The following REEP6 variants were observed in gnomAD, a reference collection of about 807,000 sequenced individuals.
REEP6 encodes receptor accessory protein 6.
REEP6 carries 19 observed loss-of-function variants against 22.4 expected under a neutral mutation model. The observed-to-expected ratio is 0.85, with a 90% confidence interval of 0.59 to 1.25. The LOEUF (loss-of-function observed/expected upper bound fraction) is 1.25. Among genes scored for constraint, REEP6 ranks in the 50% most tolerant of loss-of-function variants. REEP6 has a pLI of 0.00. For synonymous variants in REEP6, 121 were observed against 113.6 expected (o/e 1.06, Z -0.41); for missense variants, 273 against 251.9 (o/e 1.08, Z -0.57).
At chr19:1,494,281 G>C (rs1352493353) in intron 1 of REEP6, among the ~76,000 whole-genome samples, 2 of 152,104 alleles carry the variant, frequency 1.3e-5, no homozygotes, top group Non-Finnish European at 2.9e-5. Context: ...GGGGTTTGCT[G>C]CCTCCAAGAC....
intron 1 of REEP6, among the ~76,000 whole-genome samples, chr19:1,494,807 C>T (rs1165889706): frequency 6.6e-6 from 1 of 152,182 alleles, no homozygotes; most frequent in African/African-American, 2.4e-5. Context: ...GCCTCAGCCT[C>T]CCCAGCAGCT....
In REEP6 at chr19:1,497,357, C is replaced by G; in HGVS notation, c.*146C>G. The G allele has an allele frequency of 1.3e-6, 1 of 788,408 alleles. No homozygotes were observed. Among genetic ancestry groups the G allele is most frequent in the Non-Finnish European group, 2.2e-6 (1 of 450,760 alleles). 48.8% of individuals were successfully genotyped at this position (788,408 alleles called of 1,614,324 possible). ...GTCCAGGCAAGGCCCTGGGGGTCTC[C>G]TTAAATGCCACCTCGGGCAAGTCCC... On this transcript the variant is annotated 3_prime_UTR_variant, in exon 5 of 5. Transcript: ENST00000233596. This position sits in a 1 kb window ranked among gnomAD's most constrained non-coding sequence, Gnocchi z 6.5.
Position 1,497,709 on chromosome 19 carries a change from G to C in REEP6, c.*498G>C, listed in dbSNP as rs541407733. The C allele has an allele frequency of 6.1e-5, 29 of 472,560 alleles. No homozygotes were observed. Among genetic ancestry groups the C allele is most frequent in the South Asian group, 4.3e-4 (28 of 64,564 alleles). The allele number at this position is 472,560 out of a possible 1,614,324, so 29.3% of individuals were successfully genotyped here. ...GGAGGACGCAGCCCCCAAGACCAGC[G>C]GACAGCGCCAGAAGGAATCGTCGAA... On this transcript the variant is annotated 3_prime_UTR_variant, in exon 5 of 5. Transcript: ENST00000233596. This position sits in a 1 kb window ranked among gnomAD's most constrained non-coding sequence, Gnocchi z 6.5.
rs182381281 is a variant in REEP6 at position 1,495,508 on chromosome 19, T to C, written c.249T>C (p.Thr83=). The C allele has an allele frequency of 1.2e-6, 2 of 1,614,060 alleles. No individual in the cohort carries two copies. The highest frequency in any genetic ancestry group is 2.2e-5 in the East Asian group (1 of 44,884). ...AIESPSKDDD[T]VWLTYWVVYA... is the part of the protein sequence containing the mutation. ...AGAGCCCAAGCAAGGACGACGACAC[T>C]GTGTGGCTCACCTACTGGGTGGTGT... The change falls in exon 3 of 5, where the codon ACT becomes ACC. Residue 83 remains threonine, a synonymous_variant. Transcript: ENST00000233596.
rs117390112 is a variant in REEP6 at position 1,492,622 on chromosome 19, C to T, written c.115+1238C>T. On this transcript the variant is annotated intron_variant, in intron 1 of 4. Transcript: ENST00000233596. ...GCCCCACTGGCTCTGCCTTCTCTTC[C>T]AGGAAGCTCCGCAGAATGACTCACA... Among the ~76,000 whole-genome samples, 652 of 152,212 alleles carry T rather than the reference C, an allele frequency of 4.3e-3. 16 individuals carry two copies. Among genetic ancestry groups the T allele is most frequent in the Admixed American group, 0.029 (449 of 15,284 alleles).
In REEP6 at chr19:1,491,426, G is replaced by A. The variant is rs915452887; in HGVS notation, c.115+42G>A. The A allele has an allele frequency of 7.6e-6, 10 of 1,311,992 alleles. No individual in the cohort carries two copies. The highest frequency in any genetic ancestry group is 9.0e-6 in the Non-Finnish European group (9 of 1,001,694). 81.3% of individuals were successfully genotyped at this position (1,311,992 alleles called of 1,614,324 possible). A position where few individuals can be genotyped will look rare whatever the true frequency, so the allele number is the denominator to read the frequency against. On this transcript the variant is annotated intron_variant, in intron 1 of 4. Transcript: ENST00000233596. This position sits in a 1 kb window ranked among gnomAD's most constrained non-coding sequence, Gnocchi z 5.4. ...AGCCCGTTTCGCCGACGGGCACACC[G>A]AGGCCATGGGCCTGGGGGTCGCAGA...
At chr19:1,495,727 A>C in intron 3 of REEP6, 120 bp downstream of exon 3, 1 of 1,388,252 alleles carries the variant, frequency 7.2e-7, no homozygotes, top group Non-Finnish European at 9.9e-7. Context: ...GGGAAGACTC[A>C]GTCCCTTCCC....
chr19:1,495,836 G>C (rs1200252635), intron 3 of REEP6: 1 of 613,250 alleles, frequency 1.6e-6, no homozygotes, highest in East Asian at 2.8e-5. Context: ...GATGTCCGAT[G>C]GTGGAGGGCT....
Position 1,491,899 on chromosome 19 carries a change from C to T in REEP6, c.115+515C>T, listed in dbSNP as rs528873409. On this transcript the variant is annotated intron_variant, in intron 1 of 4. Coordinates refer to ENST00000233596, the MANE Select transcript of REEP6 (RefSeq NM_138393.4). This position sits in a 1 kb window ranked among gnomAD's most constrained non-coding sequence, Gnocchi z 5.4. ...AGCTCAATGGCTTAGTGCCACCGAG[C>T]GTAAATGTTTGTTAAGACGGAGTTG... Among the ~76,000 whole-genome samples the T allele has an allele frequency of 2.0e-4, 30 of 152,294 alleles. No individual in the cohort carries two copies. The highest frequency in any genetic ancestry group is 6.0e-4 in the African/African-American group (25 of 41,572).
chr19:1,497,081 C>A lies in REEP6; in HGVS notation c.518-93C>A. On this transcript the variant is annotated intron_variant, in intron 4 of 4. Coordinates refer to ENST00000233596, the MANE Select transcript of REEP6 (RefSeq NM_138393.4). This position sits in a 1 kb window ranked among gnomAD's most constrained non-coding sequence, Gnocchi z 6.5. The stretch of plus-strand genomic sequence containing the variant: ...CTGCCCGGCCCCTCGACTTGTCATG[C>A]TCATAGCCAGTAGCCTCAGTCCCGC... 2 of 1,083,668 alleles carry A rather than the reference C, an allele frequency of 1.8e-6. No individual in the cohort carries two copies. The highest frequency in any genetic ancestry group is 3.1e-4 in the Middle Eastern group (1 of 3,210). 67.1% of individuals were successfully genotyped at this position (1,083,668 alleles called of 1,614,324 possible).
chr19:1,496,582 G>C (rs1474599813), intron 4 of REEP6, 129 bp downstream of exon 4: 4 of 1,193,816 alleles, frequency 3.4e-6, no homozygotes, highest in Non-Finnish European at 4.9e-6. Context: ...TCACGCTTCC[G>C]GGAACCAGTC....
chr19:1,496,101 T>C, intron 3 of REEP6, 184 bp from the exon 4 acceptor site: 1 of 676,196 alleles, frequency 1.5e-6, no homozygotes, highest in South Asian at 2.1e-5. Context: ...GGGTATCTGA[T>C]GGCGAAAACC....
chr19:1,497,314 C>A lies in REEP6; in HGVS notation c.*103C>A. The A allele has an allele frequency of 1.9e-6, 2 of 1,080,398 alleles. No homozygotes were observed. Among genetic ancestry groups the A allele is most frequent in the African/African-American group, 1.6e-5 (1 of 63,906 alleles). The allele number at this position is 1,080,398 out of a possible 1,614,324, so 66.9% of individuals were successfully genotyped here. On this transcript the variant is annotated 3_prime_UTR_variant, in exon 5 of 5. Transcript: ENST00000233596. The surrounding 1 kb of genome is among the most constrained non-coding windows in gnomAD (Gnocchi z 6.5). ...TCTTCAGCGCATCCCCCAACAGCAG[C>A]CCCTGCCAGTCCCTCGGGTCCAGGC...
At chr19:1,493,674 T>G (rs895493143) in intron 1 of REEP6, among the ~76,000 whole-genome samples, 18 of 99,490 alleles carry the variant, frequency 1.8e-4, no homozygotes, top group Non-Finnish European at 3.6e-4. Flanking sequence ...TAGTCATTCT[T>G]TTCAGAGCCA....
In REEP6 at chr19:1,497,499, TC is replaced by T. The variant is rs1426221880; in HGVS notation, c.*291del. The T allele has an allele frequency of 5.9e-6, 4 of 677,426 alleles. No individual in the cohort carries two copies. The highest frequency in any genetic ancestry group is 1.1e-5 in the Non-Finnish European group (4 of 359,666). The allele number at this position is 677,426 out of a possible 1,614,324, so 42.0% of individuals were successfully genotyped here. Reference sequence around the variant, plus strand: ...GGGCCAGCGTCGGGCACAGGGCAGCTCCCACTGGTCTCGGCAACACACCCAG... The same window carrying T: ...GGGCCAGCGTCGGGCACAGGGCAGCTCCACTGGTCTCGGCAACACACCCAG... On this transcript the variant is annotated 3_prime_UTR_variant, in exon 5 of 5. Transcript: ENST00000233596. The surrounding 1 kb of genome is among the most constrained non-coding windows in gnomAD (Gnocchi z 6.5).
Position 1,497,148 on chromosome 19 carries a change from TCC to T in REEP6, c.518-22_518-21del. On this transcript the variant is annotated intron_variant, in intron 4 of 4. Coordinates refer to ENST00000233596, the MANE Select transcript of REEP6 (RefSeq NM_138393.4). The surrounding 1 kb of genome is among the most constrained non-coding windows in gnomAD (Gnocchi z 6.5). ...GGAGCCCAGGCCTGCCTCACGGCCC[TCC>T]CCCACCCGCCCCTCTCTCTGCAGTC... The T allele has an allele frequency of 1.1e-6, 1 of 886,386 alleles. No homozygotes were observed. The highest frequency in any genetic ancestry group is 1.6e-6 in the Non-Finnish European group (1 of 635,814). The allele number at this position is 886,386 out of a possible 1,614,324, so 54.9% of individuals were successfully genotyped here. A position where few individuals can be genotyped will look rare whatever the true frequency, so the allele number is the denominator to read the frequency against.
intron 1 of REEP6, among the ~76,000 whole-genome samples, chr19:1,492,872 CG>C (rs2084978043): frequency 1.3e-5 from 2 of 152,178 alleles, no homozygotes. Flanking sequence ...GGGCATGGCC[CG>C]GCTGTGCCTG....
chr19:1,497,849 G>GC lies in REEP6; in HGVS notation c.*643dup. 2.1e-6 allele frequency: 1 copy of GC among 470,346 alleles called. No homozygotes were observed. Among genetic ancestry groups the GC allele is most frequent in the Non-Finnish European group, 4.4e-6 (1 of 226,730 alleles). 29.1% of individuals were successfully genotyped at this position (470,346 alleles called of 1,614,324 possible). On this transcript the variant is annotated 3_prime_UTR_variant, in exon 5 of 5. Coordinates refer to ENST00000233596, the MANE Select transcript of REEP6 (RefSeq NM_138393.4). The surrounding 1 kb of genome is among the most constrained non-coding windows in gnomAD (Gnocchi z 6.5). ...TCACCTGCAGCTGGCCACACCACAGGCCCCCGTGCCTGCAGCACTACTGGT... is the reference window on the plus strand; with the variant it reads ...TCACCTGCAGCTGGCCACACCACAGGCCCCCCGTGCCTGCAGCACTACTGGT...
chr19:1,493,995 T>A (rs944699209), intron 1 of REEP6, among the ~76,000 whole-genome samples: 2 of 152,154 alleles, frequency 1.3e-5, no homozygotes, highest in African/African-American at 2.4e-5. Context: ...GGAGAATCAC[T>A]TGAGCCTGGG....
Sources: allele counts gnomAD v4.1 joint callset (sites outside exome capture counted in the v4.1 genomes callset), GRCh38; gene constraint gnomAD v4.1.1; non-coding constraint Gnocchi (gnomAD v3.1); transcripts MANE v1.5; gene names NCBI Gene and HGNC (gene_info 2026-07-23, HGNC 2026-07-21).